C11orf65: variants seen among roughly 807,000 people sequenced by gnomAD.
The protein encoded by C11orf65 is chromosome 11 open reading frame 65.
C11orf65 carries 38 observed loss-of-function variants against 35.3 expected under a neutral mutation model. The ratio of observed to expected loss-of-function variants is 1.08; its 90% CI spans 0.83 to 1.41. The LOEUF is 1.41. Among genes scored for constraint, C11orf65 ranks in the 40% most tolerant of loss-of-function variants. The pLI is 0.00. For synonymous variants in C11orf65, 105 were observed against 114.4 expected, an observed-to-expected ratio of 0.92 and a Z score of 0.53; for missense variants, 370 against 367.1, an observed-to-expected ratio of 1.01 and a Z score of -0.06.
Position 108,331,550 on chromosome 11 carries a change from T to G in C11orf65, c.318A>C (p.Ter106CysextTer16), listed in dbSNP as rs876658933. ...GGAGGCCTAGGATTTCATGAAGTCC[T>G]CAATAATGTAAGTAAACCTGAAAAT... Residue 106 changes from the stop codon to cysteine, a stop_lost, in exon 4 of 4, where the codon TGA becomes TGC. Transcript: ENST00000524755. 2 of 1,610,906 alleles carry G rather than the reference T, an allele frequency of 1.2e-6. No individual in the cohort carries two copies. The highest frequency in any genetic ancestry group is 1.7e-6 in the Non-Finnish European group (2 of 1,178,734).
chr11:108,439,498 T>C (rs1356188378), intron 2 of C11orf65, among the ~76,000 whole-genome samples: 1 of 152,136 alleles, frequency 6.6e-6, no homozygotes, highest in Non-Finnish European at 1.5e-5. Context: ...AAGAAAGCAA[T>C]GGCTCAAACA....
At chr11:108,325,654 A>G in intron 6 of C11orf65, 2 of 900,382 alleles carry the variant, frequency 2.2e-6, no homozygotes, top group Non-Finnish European at 3.4e-6. Flanking sequence ...AGAGATCTCT[A>G]TTAATATATA....
intron 2 of C11orf65, chr11:108,336,045 AT>A (rs2086817492): frequency 1.8e-6 from 2 of 1,083,716 alleles, no homozygotes; most frequent in Non-Finnish European, 2.8e-6. Context: ...GCCCATATTC[AT>A]AATGCTTTGG....
At chr11:108,309,500 T>A (rs767824669) in intron 6 of C11orf65, among the ~76,000 whole-genome samples, 7 of 152,166 alleles carry the variant, frequency 4.6e-5, no homozygotes, top group Non-Finnish European at 7.4e-5. Context: ...TTGCTGAAGA[T>A]CACACAGCTG....
chr11:108,393,178 T>C, intron 7 of C11orf65, 30 bp downstream of exon 7: 1 of 1,589,078 alleles, frequency 6.3e-7, no homozygotes. Context: ...TGACTGCCCT[T>C]GTTCCCCAAG....
In C11orf65 at chr11:108,371,874, C is replaced by T. The variant is rs182049909; in HGVS notation, c.226+21334G>A. On this transcript the variant is annotated intron_variant, in intron 2 of 3. Transcript: ENST00000524755. ...TCAGTGCACAAGGGTTGCAATTTCTCAACATCCTTATCAACACTTATTTTC... is the reference window on the plus strand; with the variant it reads ...TCAGTGCACAAGGGTTGCAATTTCTTAACATCCTTATCAACACTTATTTTC... Among the ~76,000 whole-genome samples, 13 of 152,298 alleles carry T rather than the reference C, an allele frequency of 8.5e-5. No individual in the cohort carries two copies. In the East Asian group the frequency reaches 2.5e-3, roughly 29 times the overall value.
intron 2 of C11orf65, among the ~76,000 whole-genome samples, chr11:108,432,977 G>A (rs930776750): frequency 6.6e-6 from 1 of 152,028 alleles, no homozygotes; most frequent in Non-Finnish European, 1.5e-5. Flanking sequence ...AGTTCTGCTG[G>A]TCTTGGTTGG....
intron 7 of C11orf65, among the ~76,000 whole-genome samples, chr11:108,386,444 T>C (rs2092002938): frequency 6.6e-6 from 1 of 152,230 alleles, no homozygotes; most frequent in South Asian, 2.1e-4. Context: ...CTGAGCTCAT[T>C]AGAGCAGCAG....
At chr11:108,450,441 G>A (rs1216792046) in intron 2 of C11orf65, among the ~76,000 whole-genome samples, 3 of 151,642 alleles carry the variant, frequency 2.0e-5, no homozygotes, top group Non-Finnish European at 4.4e-5. Context: ...ATACTATGCA[G>A]CCATAAAAAA....
chr11:108,395,996 C>T (rs2092301367), intron 6 of C11orf65, among the ~76,000 whole-genome samples: 3 of 152,102 alleles, frequency 2.0e-5, no homozygotes, highest in African/African-American at 7.2e-5. Context: ...GACTGGTACA[C>T]AGTAAGCATT....
At chr11:108,387,100 A>T (rs2092023892) in intron 7 of C11orf65, among the ~76,000 whole-genome samples, 1 of 146,880 alleles carries the variant, frequency 6.8e-6, no homozygotes, top group African/African-American at 2.5e-5. Context: ...AAAAAGAATT[A>T]TCATGTAATT....
Position 108,383,167 on chromosome 11 carries a change from A to G in C11orf65, c.796T>C (p.Phe266Leu). ...NSSANFKGFR[F>L]NQAQKNIYNY... Reference sequence around the variant, plus strand: ...TATATGTTTTTCTGTGCTTGATTAAACCTGAATCCTAAAGAGAAGTGACAA... The same window carrying G: ...TATATGTTTTTCTGTGCTTGATTAAGCCTGAATCCTAAAGAGAAGTGACAA... Residue 266 changes from phenylalanine to leucine, a missense_variant, in exon 9 of 9, where the codon TTT (phenylalanine) becomes CTT (leucine). Transcript: ENST00000393084. 1 of 1,587,084 alleles carries G rather than the reference A, an allele frequency of 6.3e-7. No homozygotes were observed. The highest frequency in any genetic ancestry group is 8.5e-7 in the Non-Finnish European group (1 of 1,171,268).
chr11:108,413,823 G>T (rs2092692433), intron 3 of C11orf65, among the ~76,000 whole-genome samples: 1 of 151,986 alleles, frequency 6.6e-6, no homozygotes, highest in Non-Finnish European at 1.5e-5. Flanking sequence ...TAACAAGTAG[G>T]TCAAATAAAG....
At chr11:108,445,068 C>T (rs902575482) in intron 2 of C11orf65, among the ~76,000 whole-genome samples, 1 of 152,204 alleles carries the variant, frequency 6.6e-6, no homozygotes, top group African/African-American at 2.4e-5. Context: ...GGGGTGCCTG[C>T]CATTGCCCAG....
chr11:108,439,411 T>C lies in C11orf65; in HGVS notation c.82-7573A>G, dbSNP rs942919419. Reference sequence around the variant, plus strand: ...ATGTAAAATGGTACAGCCACTGTGGTAAAGTTTGGCAGTTCCTCACAAAGT... The same window carrying C: ...ATGTAAAATGGTACAGCCACTGTGGCAAAGTTTGGCAGTTCCTCACAAAGT... On this transcript the variant is annotated intron_variant, in intron 2 of 8. Transcript: ENST00000393084. Among the ~76,000 whole-genome samples, 26 of 152,236 alleles carry C rather than the reference T, an allele frequency of 1.7e-4. 1 individual carries two copies. The highest frequency in any genetic ancestry group is 4.4e-5 in the Non-Finnish European group (3 of 68,054).
chr11:108,316,015 C>T lies in C11orf65; in HGVS notation c.641-6944G>A, dbSNP rs532480170. ...TTTCACAATCTTTTCTTATAGACTA[C>T]GAACATATGAACACGAAGCAATGTG... On this transcript the variant is annotated intron_variant, in intron 6 of 6. Coordinates refer to the C11orf65 transcript ENST00000525729. 9.9e-6 allele frequency: 16 copies of T among 1,613,812 alleles called. No homozygotes were observed. The highest frequency in any genetic ancestry group is 2.2e-5 in the South Asian group (2 of 91,078).
chr11:108,317,542 T>A, intron 6 of C11orf65: 2 of 1,573,366 alleles, frequency 1.3e-6, no homozygotes, highest in South Asian at 1.1e-5. Context: ...TGACTTGATT[T>A]TTTTTTTTTT....
chr11:108,309,369 G>A (rs923951232), intron 6 of C11orf65, among the ~76,000 whole-genome samples: 1 of 152,106 alleles, frequency 6.6e-6, no homozygotes, highest in African/African-American at 2.4e-5. Flanking sequence ...TGTGTAGTAG[G>A]GTGTGCCTTA....
chr11:108,387,101 T>A (rs965900103), intron 7 of C11orf65, among the ~76,000 whole-genome samples: 56 of 148,774 alleles, frequency 3.8e-4, no homozygotes, highest in Middle Eastern at 3.2e-3. Context: ...AAAAGAATTA[T>A]CATGTAATTC....
Sources: gnomAD v4.1 joint callset for allele counts (sites outside exome capture counted in the v4.1 genomes callset) on GRCh38, gnomAD v4.1.1 for gene constraint, MANE v1.5 for transcripts, NCBI Gene and HGNC (gene_info 2026-07-23, HGNC 2026-07-21) for gene names.